INO80: variants seen among roughly 807,000 people sequenced by gnomAD.
INO80 encodes the protein INO80 complex ATPase subunit.
INO80 carries 20 observed loss-of-function variants against 203.4 expected under a neutral mutation model. That is an observed-to-expected ratio of 0.10 (90% CI 0.07 to 0.14). The LOEUF is 0.14. INO80 is among the 10% of genes least tolerant of loss of function. The probability of loss-of-function intolerance (pLI) is 1.00; values close to 1 mark genes in which losing one functional copy is unlikely to be tolerated. For synonymous variants in INO80, 726 were observed against 685.2 expected (o/e 1.06, Z -0.93); for missense variants, 1,419 against 1,914.4 (o/e 0.74, Z 4.83).
rs35496221 is a variant in INO80, at chr15:40,996,036, TGAGAGAGA to T, written c.3570+1485_3570+1492del. ...TACAGAATGTGTAGTATCAGATTAGTGAGAGAGAGAGAGAGAGAGATTCCCCCTGCTGC... is the reference window on the plus strand; with the variant it reads ...TACAGAATGTGTAGTATCAGATTAGTGAGAGAGAGAGATTCCCCCTGCTGC... On this transcript the variant is annotated intron_variant, in intron 29 of 35. Transcript: ENST00000648947. Among the ~76,000 whole-genome samples, 106 of 150,062 alleles carry T rather than the reference TGAGAGAGA, an allele frequency of 7.1e-4. 2 individuals are homozygous for T. Among genetic ancestry groups the T allele is most frequent in the African/African-American group, 2.4e-3 (100 of 40,964 alleles).
intron 31 of INO80, 37 bp from the exon 32 acceptor site, chr15:40,985,463 T>G: frequency 8.3e-6 from 11 of 1,322,254 alleles, no homozygotes; most frequent in African/African-American, 4.3e-5. Flanking sequence ...ATGAAGTACC[T>G]GTGGTAATCA....
chr15:40,984,902 T>C (rs1453637661), intron 32 of INO80, among the ~76,000 whole-genome samples: 1 of 152,174 alleles, frequency 6.6e-6, no homozygotes, highest in East Asian at 1.9e-4. Flanking sequence ...GAAAAACAGA[T>C]GAACAGACAT....
At chr15:41,039,398 A>G (rs1298145846) in intron 24 of INO80, among the ~76,000 whole-genome samples, 2 of 152,192 alleles carry the variant, frequency 1.3e-5, no homozygotes, top group African/African-American at 4.8e-5. Flanking sequence ...CTTATCTTGA[A>G]CCACATTCAG....
chr15:41,068,147 T>C lies in INO80; in HGVS notation c.1782+1423A>G, dbSNP rs1430759992. On this transcript the variant is annotated intron_variant, in intron 14 of 35. Transcript: ENST00000648947. ...GTATTAAGAAAATGAACTGGCTGGGTTTGGTGGCTCGTGCCTGTAATCCCA... is the reference window on the plus strand; with the variant it reads ...GTATTAAGAAAATGAACTGGCTGGGCTTGGTGGCTCGTGCCTGTAATCCCA... Among the ~76,000 whole-genome samples, 3 of 152,008 alleles carry C rather than the reference T, an allele frequency of 2.0e-5. No individual in the cohort carries two copies. The East Asian group carries it at 5.8e-4, about 29-fold the overall frequency.
intron 4 of INO80, among the ~76,000 whole-genome samples, chr15:41,094,865 G>C (rs2045697972): frequency 6.6e-6 from 1 of 152,038 alleles, no homozygotes; most frequent in Non-Finnish European, 1.5e-5. Flanking sequence ...CACGCGACAG[G>C]TCACAGTCAA....
In INO80 at chr15:41,016,189, C is replaced by T; in HGVS notation, c.3301G>A (p.Gly1101Arg). The T allele has an allele frequency of 1.2e-6, 2 of 1,613,938 alleles. 1 individual carries two copies. The highest frequency in any genetic ancestry group is 2.2e-5 in the South Asian group (2 of 91,054). Residue 1101 changes from glycine to arginine, a missense_variant, in exon 27 of 36, where the codon GGA becomes AGA. Around this residue, in one of 9 missense-constraint regions of INO80, gnomAD observed 302 missense variants for 345.4 expected, o/e 0.87. Transcript: ENST00000648947. The part of the protein sequence containing the change: ...PGKESLITDS[G>R]KLYALDVLLT... ...AGGACATCAAGGGCATACAGCTTTC[C>T]ACTGTCAGTGATGAGGCTCTCCTTG... is the stretch of plus-strand genomic sequence containing the variant.
rs2140410739 is a variant in INO80 at position 40,985,365 on chromosome 15, C to T, written c.3894G>A (p.Lys1298=). 6.2e-7 allele frequency: 1 copy of T among 1,614,038 alleles called. No individual in the cohort carries two copies. Among genetic ancestry groups the T allele is most frequent in the Non-Finnish European group, 8.5e-7 (1 of 1,179,958 alleles). ...QEETNRVKER[K]RKREKYAEKK... is the part of the protein sequence containing the mutation. ...TCTCTGCATACTTTTCCCGCTTCCG[C>T]TTGCGCTCTTTCACTCGGTTGGTTT... The change falls in exon 32 of 36, where the codon AAG becomes AAA. Residue 1298 remains lysine, a synonymous_variant. Transcript: ENST00000648947.
At chr15:41,008,119 G>C (rs1303352086) in intron 27 of INO80, among the ~76,000 whole-genome samples, 1 of 152,172 alleles carries the variant, frequency 6.6e-6, no homozygotes, top group East Asian at 1.9e-4. Flanking sequence ...AGGCTGCAGT[G>C]AGCCAAGATC....
intron 29 of INO80, 35 bp from the exon 30 acceptor site, chr15:40,988,009 A>G (rs780975867): frequency 2.5e-6 from 4 of 1,575,908 alleles, no homozygotes; most frequent in Admixed American, 1.8e-5. Flanking sequence ...AAGCACTCTT[A>G]GGGAAGGACC....
chr15:41,101,449 A>G (rs2045805559), intron 1 of INO80, among the ~76,000 whole-genome samples: 1 of 152,208 alleles, frequency 6.6e-6, no homozygotes, highest in Admixed American at 6.6e-5. Flanking sequence ...AAGAGCCTGA[A>G]GAGCAAATCA....
At chr15:41,091,591 C>T (rs56029715) in intron 5 of INO80, among the ~76,000 whole-genome samples, 4 of 151,770 alleles carry the variant, frequency 2.6e-5, no homozygotes, top group African/African-American at 9.7e-5. Flanking sequence ...CATTGTTCAG[C>T]TCCCACTTAC....
chr15:41,061,940 G>A lies in INO80; in HGVS notation c.1783-2014C>T, dbSNP rs1257529910. 4.6e-5 allele frequency among the ~76,000 whole-genome samples: 7 copies of A among 152,274 alleles called. No homozygotes were observed. In the East Asian group the frequency reaches 1.3e-3, roughly 29 times the overall value. ...ACTTTTTCTGTGATGTTTTCTAGAT[G>A]TGGTTTTCTTTCTCCTTATCCCTGC... is the stretch of plus-strand genomic sequence containing the variant. On this transcript the variant is annotated intron_variant, in intron 14 of 35. Coordinates refer to ENST00000648947, the MANE Select transcript of INO80 (RefSeq NM_017553.3).
chr15:41,070,649 G>A, intron 12 of INO80, 102 bp from the exon 13 acceptor site: 1 of 927,014 alleles, frequency 1.1e-6, no homozygotes, highest in Non-Finnish European at 1.7e-6. Flanking sequence ...TGTTTAAAGA[G>A]AAGTGACCAG....
intron 26 of INO80, chr15:41,017,541 A>G (rs138967577): frequency 2.6e-4 from 40 of 152,324 alleles, no homozygotes; most frequent in African/African-American, 9.6e-4. Context: ...CAGCAATCCA[A>G]AAGTTCTCAA....
chr15:41,078,488 GATA>G (rs2045438324), intron 9 of INO80, among the ~76,000 whole-genome samples: 1 of 101,386 alleles, frequency 9.9e-6, no homozygotes, highest in South Asian at 3.0e-4. Context: ...TTACTAACTT[GATA>G]ATTATGATTA....
chr15:41,113,414 G>A (rs749577775), intron 1 of INO80, among the ~76,000 whole-genome samples: 8 of 151,848 alleles, frequency 5.3e-5, no homozygotes, highest in Non-Finnish European at 8.8e-5. Context: ...TTACAGGTGC[G>A]CGCCACCACG....
intron 14 of INO80, among the ~76,000 whole-genome samples, chr15:41,066,575 T>G (rs940868615): frequency 2.0e-5 from 3 of 151,184 alleles, no homozygotes; most frequent in Non-Finnish European, 4.4e-5. Context: ...GTGCCTATAA[T>G]CCCAGCACTT....
chr15:40,979,892 G>A lies in INO80; in HGVS notation c.*331C>T, dbSNP rs1046276948. Reference sequence around the variant, plus strand: ...CGTGTCAGAGCCGAAGAGTGGAATCGGGATGGAAACAGTATGCCTGAGCAT... The same window carrying A: ...CGTGTCAGAGCCGAAGAGTGGAATCAGGATGGAAACAGTATGCCTGAGCAT... On this transcript the variant is annotated 3_prime_UTR_variant, in exon 36 of 36. Coordinates refer to ENST00000648947, the MANE Select transcript of INO80 (RefSeq NM_017553.3). The A allele has an allele frequency of 2.7e-5, 9 of 332,552 alleles. No individual in the cohort carries two copies. The highest frequency in any genetic ancestry group is 1.7e-4 in the Admixed American group (4 of 23,142). The allele number at this position is 332,552 out of a possible 1,614,324, so 20.6% of individuals were successfully genotyped here.
intron 29 of INO80, among the ~76,000 whole-genome samples, chr15:40,993,509 G>A (rs924999296): frequency 6.6e-6 from 1 of 152,148 alleles, no homozygotes. Context: ...TGTAATCCCA[G>A]CACTTTGGGA....
Sources: allele counts gnomAD v4.1 joint callset (sites outside exome capture counted in the v4.1 genomes callset), GRCh38; gene constraint gnomAD v4.1.1; regional missense constraint gnomAD v4.1.1; transcripts MANE v1.5; gene names NCBI Gene and HGNC (gene_info 2026-07-23, HGNC 2026-07-21).